Variants in SPRYD3 observed in about 807,000 individuals in gnomAD.
The protein encoded by SPRYD3 is SPRY domain containing 3.
SPRYD3 carries 17 observed loss-of-function variants against 50.1 expected under a neutral mutation model. The observed-to-expected ratio is 0.34, with a 90% CI of 0.23 to 0.51. SPRYD3 has a LOEUF of 0.51. SPRYD3 is among the 20% of genes least tolerant of loss of function. The pLI is 0.97. For synonymous variants in SPRYD3, 198 were observed against 215.5 expected, an observed-to-expected ratio of 0.92 and a Z score of 0.71; for missense variants, 401 against 591.2, an observed-to-expected ratio of 0.68 and a Z score of 3.34.
intron 6 of SPRYD3, among the ~76,000 whole-genome samples, chr12:53,072,784 T>A (rs892170816): frequency 6.6e-6 from 1 of 152,248 alleles, no homozygotes; most frequent in African/African-American, 2.4e-5. Flanking sequence ...TCTGCCTCCA[T>A]TCTAATCCTC....
At chr12:53,068,513 C>G (rs1453001203) in intron 6 of SPRYD3, among the ~76,000 whole-genome samples, 1 of 152,216 alleles carries the variant, frequency 6.6e-6, no homozygotes, top group Non-Finnish European at 1.5e-5. Context: ...GAGAGCACCC[C>G]TTGCTGAATG....
At chr12:53,068,671 C>G (rs1438818835) in intron 6 of SPRYD3, among the ~76,000 whole-genome samples, 1 of 152,116 alleles carries the variant, frequency 6.6e-6, no homozygotes, top group African/African-American at 2.4e-5. Flanking sequence ...CCCAGGGTCC[C>G]AAACACAGGG....
At position 53,075,300 on chromosome 12, in the gene SPRYD3, G is replaced by C. The variant is rs1333702972; in HGVS notation, c.247-81C>G. 5.5e-6 allele frequency: 8 copies of C among 1,463,710 alleles called. No homozygotes were observed. In the African/African-American group the frequency reaches 1.1e-4, roughly 21 times the overall value. 90.7% of individuals were successfully genotyped at this position (1,463,710 alleles called of 1,614,324 possible). On this transcript the variant is annotated intron_variant, in intron 3 of 10. Coordinates refer to ENST00000301463, the MANE Select transcript of SPRYD3 (RefSeq NM_032840.3). ...TGGGGGTGGGGGAAGGGGACTTAGA[G>C]ATTAAAGGGCGCTGAGGCTCAAAAA...
chr12:53,078,042 C>A, intron 1 of SPRYD3: 1 of 439,046 alleles, frequency 2.3e-6, no homozygotes, highest in South Asian at 1.6e-5. Flanking sequence ...AACAATGAGC[C>A]AGGTGTGGCA....
chr12:53,066,619 C>G lies in SPRYD3; in HGVS notation c.975G>C (p.Met325Ile). 1 of 1,614,090 alleles carries G rather than the reference C, an allele frequency of 6.2e-7. No individual in the cohort carries two copies. The highest frequency in any genetic ancestry group is 1.3e-5 in the African/African-American group (1 of 75,036). ...FGPRCYKGDI[M>I]GCGIMFPRDY... Reference sequence around the variant, plus strand: ...CCCGGGGGAACATGATTCCACAGCCCATGATGTCCCCTTTGTAACAGCGTG... The same window carrying G: ...CCCGGGGGAACATGATTCCACAGCCGATGATGTCCCCTTTGTAACAGCGTG... Residue 325 changes from methionine to isoleucine, a missense_variant, in exon 9 of 11, where the codon ATG becomes ATC. Met to Ile is a conservative substitution (Grantham distance 10). Coordinates refer to ENST00000301463, the MANE Select transcript of SPRYD3 (RefSeq NM_032840.3).
At position 53,074,570 on chromosome 12, in the gene SPRYD3, G is replaced by A; in HGVS notation, c.507+79C>T. 6.3e-7 allele frequency: 1 copy of A among 1,575,578 alleles called. No homozygotes were observed. The highest frequency in any genetic ancestry group is 2.2e-5 in the East Asian group (1 of 44,666). ...AGGGTCCCTGGGCAAGCCCCAGCCA[G>A]CAGACTCTTCCTAATCACTCCCCAC... is the stretch of plus-strand genomic sequence containing the variant. On this transcript the variant is annotated intron_variant, in intron 5 of 10. Coordinates refer to ENST00000301463, the MANE Select transcript of SPRYD3 (RefSeq NM_032840.3). This position sits in a 1 kb window ranked among gnomAD's most constrained non-coding sequence, Gnocchi z 4.6.
At chr12:53,075,646 G>T in intron 3 of SPRYD3, 90 bp downstream of exon 3, 2 of 1,048,130 alleles carry the variant, frequency 1.9e-6, no homozygotes, top group Non-Finnish European at 3.0e-6. Flanking sequence ...AAAAGGCCCA[G>T]GTCATACATC....
At chr12:53,078,055 A>G (rs11170398) in intron 1 of SPRYD3, 43,963 of 446,586 alleles carry the variant, frequency 0.098, 2,849 homozygotes, top group East Asian at 0.14. Flanking sequence ...GTGTGGCAGC[A>G]TGCACCTGTA....
rs1944577563 is a variant in SPRYD3, at chr12:53,074,894, A to G, written c.372-110T>C. On this transcript the variant is annotated intron_variant, in intron 4 of 10. Transcript: ENST00000301463. This position sits in a 1 kb window ranked among gnomAD's most constrained non-coding sequence, Gnocchi z 4.6. ...TCTTGCTGCTCCTGGTCATTCTGTGATGGTACCCACTTACGTCCTGGCGTG... is the reference window on the plus strand; with the variant it reads ...TCTTGCTGCTCCTGGTCATTCTGTGGTGGTACCCACTTACGTCCTGGCGTG... The G allele has an allele frequency of 2.1e-6, 3 of 1,449,904 alleles. No homozygotes were observed. 89.8% of individuals were successfully genotyped at this position (1,449,904 alleles called of 1,614,324 possible). A position where few individuals can be genotyped will look rare whatever the true frequency, so the allele number is the denominator to read the frequency against.
intron 6 of SPRYD3, among the ~76,000 whole-genome samples, chr12:53,071,514 G>C (rs1276486075): frequency 6.6e-6 from 1 of 152,088 alleles, no homozygotes. Flanking sequence ...CAGGCCACAG[G>C]AGGCAGGGGA....
rs1313842783 is a variant in SPRYD3 at position 53,074,804 on chromosome 12, G to A, written c.372-20C>T. 1 of 1,613,746 alleles carries A rather than the reference G, an allele frequency of 6.2e-7. No homozygotes were observed. Among genetic ancestry groups the A allele is most frequent in the Non-Finnish European group, 8.5e-7 (1 of 1,179,742 alleles). ...TACAGCCTACAGACAGAGTAGTACA[G>A]ACACAGGACCCGAGCCTGGCCTCCC... On this transcript the variant is annotated intron_variant, in intron 4 of 10. Coordinates refer to ENST00000301463, the MANE Select transcript of SPRYD3 (RefSeq NM_032840.3). This position sits in a 1 kb window ranked among gnomAD's most constrained non-coding sequence, Gnocchi z 4.6.
At chr12:53,078,188 AG>A in intron 1 of SPRYD3, 2 of 407,724 alleles carry the variant, frequency 4.9e-6, no homozygotes, top group South Asian at 1.7e-5. Flanking sequence ...CAAAAAAAAA[AG>A]AAAAAAAAAT....
chr12:53,077,435 T>C (rs1944597598), intron 1 of SPRYD3, among the ~76,000 whole-genome samples, 174 bp from the exon 2 acceptor site: 1 of 152,238 alleles, frequency 6.6e-6, no homozygotes, highest in Admixed American at 6.5e-5. Flanking sequence ...GCACCTACTC[T>C]GTGTGCTTTT....
At chr12:53,073,257 C>A in intron 6 of SPRYD3, 29 bp downstream of exon 6, 1 of 363,994 alleles carries the variant, frequency 2.7e-6, no homozygotes. Context: ...TCCGACCCAG[C>A]CCCTCCCACC....
intron 10 of SPRYD3, 123 bp downstream of exon 10, chr12:53,066,191 C>T: frequency 6.6e-7 from 1 of 1,516,100 alleles, no homozygotes; most frequent in South Asian, 1.3e-5. Context: ...CTGGGAACAG[C>T]CCTTGGGCAA....
At chr12:53,075,935 TC>T (rs1944584892) in intron 2 of SPRYD3, 124 bp from the exon 3 acceptor site, 1 of 742,012 alleles carries the variant, frequency 1.3e-6, no homozygotes, top group Non-Finnish European at 2.4e-6. Context: ...AGGCTGCACT[TC>T]AGTACATCGG....
Position 53,073,482 on chromosome 12 carries a change from G to A in SPRYD3, c.508-11C>T. On this transcript the variant is annotated splice_polypyrimidine_tract_variant and intron_variant, in intron 5 of 10. Coordinates refer to ENST00000301463, the MANE Select transcript of SPRYD3 (RefSeq NM_032840.3). ...GATGGTAGAGCCCACCTGCAGTGGG[G>A]GGAAAGACGGAGCTGCCACCCGGCC... 6.6e-7 allele frequency: 1 copy of A among 1,519,012 alleles called. No individual in the cohort carries two copies. 94.1% of individuals were successfully genotyped at this position (1,519,012 alleles called of 1,614,324 possible). A position where few individuals can be genotyped will look rare whatever the true frequency, so the allele number is the denominator to read the frequency against.
In SPRYD3 at chr12:53,066,380, C is replaced by T. The variant is rs1203770777; in HGVS notation, c.1128G>A (p.Glu376=). The change falls in exon 10 of 11, where the codon GAG becomes GAA. Residue 376 remains glutamate, a synonymous_variant. Transcript: ENST00000301463. ...MYLHQEGEEE[E]EEEEEEEDGE... is the part of the protein sequence containing the mutation. ...CATCCTCTTCCTCTTCCTCTTCCTC[C>T]TCTTCCTCTTCCCCTTCCTGGTGCA... The T allele has an allele frequency of 3.1e-6, 5 of 1,613,922 alleles. No individual in the cohort carries two copies. Among genetic ancestry groups the T allele is most frequent in the Non-Finnish European group, 3.4e-6 (4 of 1,179,918 alleles).
chr12:53,066,308 A>G lies in SPRYD3; in HGVS notation c.1194+6T>C. On this transcript the variant is annotated splice_donor_region_variant and intron_variant, in intron 10 of 10. Coordinates refer to ENST00000301463, the MANE Select transcript of SPRYD3 (RefSeq NM_032840.3). ...CCTGGTCCCACCTCAAACTCTCCGT[A>G]CTCACCACCACCTTCCTGCCCTCAT... 3.1e-6 allele frequency: 5 copies of G among 1,612,384 alleles called. No individual in the cohort carries two copies. The highest frequency in any genetic ancestry group is 4.2e-6 in the Non-Finnish European group (5 of 1,179,274).
Sources: allele counts gnomAD v4.1 joint callset (sites outside exome capture counted in the v4.1 genomes callset), GRCh38; gene constraint gnomAD v4.1.1; non-coding constraint Gnocchi (gnomAD v3.1); transcripts MANE v1.5; gene names NCBI Gene and HGNC (gene_info 2026-07-23, HGNC 2026-07-21).